ZFPM2: variants seen among roughly 807,000 people sequenced by gnomAD.
ZFPM2 encodes zinc finger protein, FOG family member 2.
Under a neutral mutation model 98.6 loss-of-function variants are expected in ZFPM2, and 20 were observed. That is an observed-to-expected ratio of 0.20 (90% CI 0.14 to 0.29). ZFPM2 has a LOEUF of 0.29. Among genes scored for constraint, ZFPM2 ranks in the 10% least tolerant of loss-of-function variants. The pLI is 1.00. For missense variants in ZFPM2, 1,310 were observed against 1,388.6 expected, an observed-to-expected ratio of 0.94 and a Z score of 0.90; for synonymous variants, 518 against 502.7, an observed-to-expected ratio of 1.03 and a Z score of -0.41.
chr8:105,544,513 A>T, intron 3 of ZFPM2, among the ~76,000 whole-genome samples: 1 of 152,266 alleles, frequency 6.6e-6, no homozygotes, highest in Non-Finnish European at 1.5e-5. Flanking sequence ...TCCTGTTTTA[A>T]ACTTCAGCTC....
intron 5 of ZFPM2, among the ~76,000 whole-genome samples, chr8:105,687,473 C>T (rs1306355942): frequency 6.6e-6 from 1 of 152,014 alleles, no homozygotes; most frequent in East Asian, 1.9e-4. Context: ...AGCCAAGAAG[C>T]TAAGAGATTA....
intron 5 of ZFPM2, among the ~76,000 whole-genome samples, chr8:105,728,535 C>T (rs1291700009): frequency 6.6e-6 from 1 of 151,722 alleles, no homozygotes; most frequent in Non-Finnish European, 1.5e-5. Flanking sequence ...ACACATGTGA[C>T]TCATGCACAC....
Position 105,540,378 on chromosome 8 carries a change from A to C in ZFPM2, c.302-20985A>C, listed in dbSNP as rs1475006900. ...TAGCCTTCCCATCTGCTAAGTGAAAATAACCTGCTTCATATGGTTTTTATA... is the reference window on the plus strand; with the variant it reads ...TAGCCTTCCCATCTGCTAAGTGAAACTAACCTGCTTCATATGGTTTTTATA... On this transcript the variant is annotated intron_variant, in intron 3 of 7. Transcript: ENST00000407775. Among the ~76,000 whole-genome samples, 3 of 152,108 alleles carry C rather than the reference A, an allele frequency of 2.0e-5. No individual in the cohort carries two copies. The East Asian group carries it at 5.8e-4, about 29-fold the overall frequency.
chr8:105,319,004 GA>G (rs1563601078), intron 1 of ZFPM2, 23 bp downstream of exon 1: 1 of 1,497,110 alleles, frequency 6.7e-7, no homozygotes, highest in Admixed American at 2.1e-5. Flanking sequence ...GCGGGGCCGG[GA>G]GTTGGTGGGA....
At chr8:105,593,046 G>T (rs1815884521) in intron 4 of ZFPM2, among the ~76,000 whole-genome samples, 2 of 152,108 alleles carry the variant, frequency 1.3e-5, no homozygotes, top group South Asian at 2.1e-4. Flanking sequence ...GGAGGAGGTG[G>T]GGCAAGGATT....
intron 5 of ZFPM2, among the ~76,000 whole-genome samples, chr8:105,646,140 A>T (rs749895840): frequency 7.9e-5 from 12 of 152,202 alleles, no homozygotes; most frequent in South Asian, 2.1e-4. Context: ...TTCAAAAAAA[A>T]AATAATAATG....
chr8:105,354,462 G>A (rs1318483174), intron 1 of ZFPM2, among the ~76,000 whole-genome samples: 1 of 152,042 alleles, frequency 6.6e-6, no homozygotes, highest in African/African-American at 2.4e-5. Flanking sequence ...TTTGTTATTT[G>A]TTGTAGCAGA....
chr8:105,428,433 G>A, intron 2 of ZFPM2, among the ~76,000 whole-genome samples: 1 of 152,154 alleles, frequency 6.6e-6, no homozygotes, highest in African/African-American at 2.4e-5. Flanking sequence ...TATATTGAAA[G>A]CATGTTAGTC....
At position 105,496,672 on chromosome 8, in the gene ZFPM2, G is replaced by T. The variant is rs1425132426; in HGVS notation, c.301+52291G>T. ...AAGTGACTCTTTTTTTTGTTTTTTT[G>T]GTTTTTTTTTTTTTTTGAGACGGAG... On this transcript the variant is annotated intron_variant, in intron 3 of 7. Transcript: ENST00000407775. 8.9e-4 allele frequency among the ~76,000 whole-genome samples: 104 copies of T among 116,840 alleles called. 2 individuals are homozygous for T. In the South Asian group the frequency reaches 0.022, roughly 25 times the overall value. 76.7% of individuals were successfully genotyped at this position (116,840 alleles called of 152,430 possible). A position where few individuals can be genotyped will look rare whatever the true frequency, so the allele number is the denominator to read the frequency against.
chr8:105,791,641 A>T (rs934041950), intron 6 of ZFPM2, among the ~76,000 whole-genome samples: 15 of 152,194 alleles, frequency 9.9e-5, no homozygotes, highest in Middle Eastern at 3.4e-3. Context: ...TTTTCTATTG[A>T]TTGGAATAGT....
At chr8:105,409,637 T>A (rs1811536920) in intron 1 of ZFPM2, among the ~76,000 whole-genome samples, 1 of 151,968 alleles carries the variant, frequency 6.6e-6, no homozygotes, top group Non-Finnish European at 1.5e-5. Context: ...CTCTTTGTAT[T>A]AAATGACAAT....
Position 105,486,543 on chromosome 8 carries a change from T to C in ZFPM2, c.301+42162T>C, listed in dbSNP as rs1586407764. On this transcript the variant is annotated intron_variant, in intron 3 of 7. Coordinates refer to ENST00000407775, the MANE Select transcript of ZFPM2 (RefSeq NM_012082.4). ...AGGTATTTGCTTGTATTTTCAGAAA[T>C]AGGGAAAGGGACATTAGCTTTTTAG... Among the ~76,000 whole-genome samples the C allele has an allele frequency of 3.3e-5, 5 of 152,130 alleles. No individual in the cohort carries two copies. In the South Asian group the frequency reaches 1.0e-3, roughly 31 times the overall value.
rs746775184 is a variant in ZFPM2 at position 105,803,381 on chromosome 8, A to G, written c.3299A>G (p.Gln1100Arg). 1.5e-5 allele frequency: 24 copies of G among 1,613,570 alleles called. No individual in the cohort carries two copies. The highest frequency in any genetic ancestry group is 3.3e-5 in the Admixed American group (2 of 59,984). The change falls in exon 8 of 8, where the codon CAG (glutamine) becomes CGG (arginine). Residue 1100 changes from glutamine (Q) to arginine (R), a missense_variant. Coordinates refer to ENST00000407775, the MANE Select transcript of ZFPM2 (RefSeq NM_012082.4). The part of the protein sequence containing the change: ...VSPGIPSAEE[Q>R]LSSIAKGVNG... ...CCAGGAATTCCCTCAGCAGAGGAACAGTTGTCTAGTATAGCAAAAGGTGTG... is the reference window on the plus strand; with the variant it reads ...CCAGGAATTCCCTCAGCAGAGGAACGGTTGTCTAGTATAGCAAAAGGTGTG...
intron 1 of ZFPM2, among the ~76,000 whole-genome samples, chr8:105,412,741 G>A (rs1414433300): frequency 2.0e-5 from 3 of 151,624 alleles, no homozygotes; most frequent in Non-Finnish European, 2.9e-5. Flanking sequence ...ACATGAGTTA[G>A]TATGGGTTTG....
intron 5 of ZFPM2, among the ~76,000 whole-genome samples, chr8:105,737,967 A>G (rs1796547130): frequency 6.8e-6 from 1 of 147,784 alleles, no homozygotes; most frequent in Admixed American, 6.9e-5. Flanking sequence ...AATATAACCA[A>G]GAACCTAAAA....
intron 5 of ZFPM2, among the ~76,000 whole-genome samples, chr8:105,777,808 T>TAA (rs931248244): frequency 8.5e-5 from 13 of 152,198 alleles, no homozygotes; most frequent in African/African-American, 3.1e-4. Flanking sequence ...TAGATCTATC[T>TAA]AACAACTATG....
intron 1 of ZFPM2, among the ~76,000 whole-genome samples, chr8:105,379,381 A>G (rs1586328443): frequency 6.6e-6 from 1 of 152,232 alleles, no homozygotes; most frequent in African/African-American, 2.4e-5. Context: ...TTGAGTTTAT[A>G]TGAGATGCTT....
chr8:105,731,655 A>C (rs1054190268), intron 5 of ZFPM2, among the ~76,000 whole-genome samples: 1 of 151,636 alleles, frequency 6.6e-6, no homozygotes, highest in African/African-American at 2.4e-5. Context: ...GGGAGCTTCA[A>C]CCTCCAAAAA....
chr8:105,452,687 G>A (rs1335437558), intron 3 of ZFPM2, among the ~76,000 whole-genome samples: 2 of 152,080 alleles, frequency 1.3e-5, no homozygotes, highest in Admixed American at 6.6e-5. Flanking sequence ...AGGAATTTGA[G>A]GCTATAGTTA....
Sources: gnomAD v4.1 joint callset for allele counts (sites outside exome capture counted in the v4.1 genomes callset) on GRCh38, gnomAD v4.1.1 for gene constraint, MANE v1.5 for transcripts, NCBI Gene and HGNC (gene_info 2026-07-23, HGNC 2026-07-21) for gene names.